Variants in HYAL3 observed in about 807,000 individuals in gnomAD.
The protein encoded by HYAL3 is hyaluronidase-3.
HYAL3 carries 25 observed loss-of-function variants against 29.6 expected under a neutral mutation model. The observed-to-expected ratio is 0.85, with a 90% CI of 0.62 to 1.18. HYAL3 has a LOEUF of 1.18. Among genes scored for constraint, HYAL3 ranks in the 50% most tolerant of loss-of-function variants. HYAL3 has a pLI of 0.00. For missense variants in HYAL3, 442 were observed against 548.4 expected (o/e 0.81, Z 1.94); for synonymous variants, 215 against 218.3 (o/e 0.99, Z 0.13).
At chr3:50,296,871 AC>A (rs1553711282) in intron 1 of HYAL3, 1 of 1,601,018 alleles carries the variant, frequency 6.2e-7, no homozygotes, top group East Asian at 2.2e-5. Context: ...GCTGGTGAAG[AC>A]CAGGCCCTGC....
At position 50,294,973 on chromosome 3, in the gene HYAL3, A is replaced by C. The variant is rs782146458; in HGVS notation, c.630T>G (p.His210Gln). Residue 210 changes from histidine to glutamine, a missense_variant, in exon 2 of 4, where the codon CAT becomes CAG. By Grantham distance (24) the His-to-Gln change is conservative. Coordinates refer to ENST00000336307, the MANE Select transcript of HYAL3 (RefSeq NM_003549.4). Reference protein sequence around the residue: ...YHYPACGNGWHSMASNYTGRC... With the variant: ...YHYPACGNGWQSMASNYTGRC... ...GGCCGGTATAGTTGGAAGCCATACT[A>C]TGCCAGCCATTGCCACAGGCTGGGT... is the stretch of plus-strand genomic sequence containing the variant. 1 of 1,613,028 alleles carries C rather than the reference A, an allele frequency of 6.2e-7. No homozygotes were observed. The highest frequency in any genetic ancestry group is 8.5e-7 in the Non-Finnish European group (1 of 1,179,710).
Position 50,296,683 on chromosome 3 carries a change from G to A in HYAL3, c.-17-1064C>T, listed in dbSNP as rs1701856113. On this transcript the variant is annotated intron_variant, in intron 1 of 3. Coordinates refer to ENST00000336307, the MANE Select transcript of HYAL3 (RefSeq NM_003549.4). Reference sequence around the variant, plus strand: ...GTCTCCAGCAGGCTTTTTGAAGGGGGCCCTGATGGAACTGGGGGTGAGATG... The same window carrying A: ...GTCTCCAGCAGGCTTTTTGAAGGGGACCCTGATGGAACTGGGGGTGAGATG... The A allele has an allele frequency of 3.1e-6, 5 of 1,613,678 alleles. No individual in the cohort carries two copies. Among genetic ancestry groups the A allele is most frequent in the African/African-American group, 1.3e-5 (1 of 74,876 alleles).
intron 1 of HYAL3, 73 bp from the exon 2 acceptor site, chr3:50,295,692 A>G: frequency 7.6e-7 from 1 of 1,322,098 alleles, no homozygotes; most frequent in South Asian, 1.6e-5. Flanking sequence ...AGGGAAAGCC[A>G]GGAAAGCTCC....
Position 50,297,170 on chromosome 3 carries a change from T to C in HYAL3, c.-17-1551A>G. 6.2e-7 allele frequency: 1 copy of C among 1,607,292 alleles called. No homozygotes were observed. The highest frequency in any genetic ancestry group is 8.5e-7 in the Non-Finnish European group (1 of 1,175,880). ...GCATCAGGCAGAGGGGGAAGGCATC[T>C]GAGGACTGGCCCAGGGAGTGCAGGC... On this transcript the variant is annotated intron_variant, in intron 1 of 3. Transcript: ENST00000336307. The surrounding 1 kb of genome is among the most constrained non-coding windows in gnomAD (Gnocchi z 4.3).
rs200704593 is a variant in HYAL3, at chr3:50,297,307, G to A, written c.-17-1688C>T. 3.1e-6 allele frequency: 5 copies of A among 1,604,990 alleles called. No individual in the cohort carries two copies. In the South Asian group the frequency reaches 3.3e-5, roughly 11 times the overall value. ...GTCAACTCAGCCAGGCTAGGAGCTGGGGTCTCCTCTGGCTGGTGTTCAGGA... is the reference window on the plus strand; with the variant it reads ...GTCAACTCAGCCAGGCTAGGAGCTGAGGTCTCCTCTGGCTGGTGTTCAGGA... On this transcript the variant is annotated intron_variant, in intron 1 of 3. Coordinates refer to ENST00000336307, the MANE Select transcript of HYAL3 (RefSeq NM_003549.4). This position sits in a 1 kb window ranked among gnomAD's most constrained non-coding sequence, Gnocchi z 4.3.
At position 50,293,039 on chromosome 3, in the gene HYAL3, A is replaced by T. The variant is rs1431678640; in HGVS notation, c.*207T>A. On this transcript the variant is annotated 3_prime_UTR_variant, in exon 4 of 4. Coordinates refer to ENST00000336307, the MANE Select transcript of HYAL3 (RefSeq NM_003549.4). The stretch of plus-strand genomic sequence containing the variant: ...CTCTCCCTGGAACTGCTTCCTTGCC[A>T]TGGAGGACTCACATGATCTCAGAGG... The T allele has an allele frequency of 6.2e-6, 9 of 1,459,702 alleles. No homozygotes were observed. The South Asian group carries it at 9.2e-5, about 15-fold the overall frequency. The allele number at this position is 1,459,702 out of a possible 1,614,324, so 90.4% of individuals were successfully genotyped here.
chr3:50,295,643 G>C, intron 1 of HYAL3, 24 bp from the exon 2 acceptor site: 1 of 1,507,152 alleles, frequency 6.6e-7, no homozygotes, highest in Non-Finnish European at 8.9e-7. Context: ...GGGGGTGTAA[G>C]CTTAGAGTCC....
rs1296367651 is a variant in HYAL3 at position 50,295,499 on chromosome 3, C to T, written c.104G>A (p.Trp35Ter). The T allele has an allele frequency of 6.2e-7, 1 of 1,611,174 alleles. No individual in the cohort carries two copies. Among genetic ancestry groups the T allele is most frequent in the African/African-American group, 1.3e-5 (1 of 74,312 alleles). ...CTCACAGTGTGCTGAGGGTACATTC[C>T]ACAGCACAGAGAAGGGGCGTTCAGG... ...QVPERPFSVL[W>*]NVPSAHCEAR... Residue 35 changes from tryptophan to a stop codon, truncating the protein, a stop_gained, in exon 2 of 4, where the codon TGG becomes TAG. Coordinates refer to ENST00000336307, the MANE Select transcript of HYAL3 (RefSeq NM_003549.4). LOFTEE classifies it high-confidence loss of function.
chr3:50,296,713 G>C (rs782212075), intron 1 of HYAL3: 1 of 1,613,558 alleles, frequency 6.2e-7, no homozygotes, highest in Admixed American at 1.7e-5. Context: ...GAGATGGTCA[G>C]GCACTCAGGT....
Position 50,292,893 on chromosome 3 carries a change from C to T in HYAL3, c.*353G>A, listed in dbSNP as rs868983902. The stretch of plus-strand genomic sequence containing the variant: ...GACAACAGCTTAGCACTTTACCGAC[C>T]TTCGCCAAGATTTTTTGGGGCCCAT... On this transcript the variant is annotated 3_prime_UTR_variant, in exon 4 of 4. Coordinates refer to ENST00000336307, the MANE Select transcript of HYAL3 (RefSeq NM_003549.4). The T allele has an allele frequency of 6.7e-7, 1 of 1,496,326 alleles. No homozygotes were observed. Among genetic ancestry groups the T allele is most frequent in the South Asian group, 1.1e-5 (1 of 89,358 alleles). The allele number at this position is 1,496,326 out of a possible 1,614,324, so 92.7% of individuals were successfully genotyped here.
intron 1 of HYAL3, 147 bp from the exon 2 acceptor site, chr3:50,295,766 G>T: frequency 5.0e-6 from 3 of 596,120 alleles, no homozygotes; most frequent in African/African-American, 1.9e-5. Flanking sequence ...GGGTCTCTTG[G>T]GCCTTTTAAA....
rs1277395250 is a variant in HYAL3 at position 50,299,267 on chromosome 3, T to C, written c.-72A>G. On this transcript the variant is annotated 5_prime_UTR_variant, in exon 1 of 4. Transcript: ENST00000336307. ...CGTCCTAGCTCCGCACAGCTGGGTA[T>C]CTCACTCAGTCGCCACCTCGGACTC... 6 of 1,613,668 alleles carry C rather than the reference T, an allele frequency of 3.7e-6. No homozygotes were observed. The East Asian group carries it at 1.3e-4, about 36-fold the overall frequency.
rs587765914 is a variant in HYAL3 at position 50,299,357 on chromosome 3, C to T, written c.-162G>A. ...GTTCTGCAGCCGTCGCGTCCTGCGGCACGCCACGGCGTTCTAAGGCCTCCC... is the reference window on the plus strand; with the variant it reads ...GTTCTGCAGCCGTCGCGTCCTGCGGTACGCCACGGCGTTCTAAGGCCTCCC... On this transcript the variant is annotated 5_prime_UTR_variant, in exon 1 of 4. Transcript: ENST00000336307. The T allele has an allele frequency of 2.6e-6, 4 of 1,546,696 alleles. No homozygotes were observed. The East Asian group carries it at 9.6e-5, about 37-fold the overall frequency.
chr3:50,295,842 C>A, intron 1 of HYAL3: 1 of 546,326 alleles, frequency 1.8e-6, no homozygotes, highest in Non-Finnish European at 3.2e-6. Flanking sequence ...CCAAAGCGGG[C>A]TTTACAGTGA....
chr3:50,299,329 G>T lies in HYAL3; in HGVS notation c.-134C>A. 1 of 1,595,814 alleles carries T rather than the reference G, an allele frequency of 6.3e-7. No individual in the cohort carries two copies. Among genetic ancestry groups the T allele is most frequent in the Non-Finnish European group, 8.5e-7 (1 of 1,173,314 alleles). ...AACGTTGGCCCCCAGCGGTGCGGCG[G>T]ATGTTCTGCAGCCGTCGCGTCCTGC... On this transcript the variant is annotated 5_prime_UTR_variant, in exon 1 of 4. Transcript: ENST00000336307.
intron 1 of HYAL3, 79 bp from the exon 2 acceptor site, chr3:50,295,698 G>A (rs1011016729): frequency 8.4e-7 from 1 of 1,185,714 alleles, no homozygotes; most frequent in Middle Eastern, 3.0e-4. Flanking sequence ...AGCCAGGAAA[G>A]CTCCCCCAGC....
chr3:50,298,640 G>A (rs1448024731), intron 1 of HYAL3, among the ~76,000 whole-genome samples: 1 of 152,118 alleles, frequency 6.6e-6, no homozygotes, highest in Non-Finnish European at 1.5e-5. Context: ...GCAGGTCTAT[G>A]CTGGGGGTTT....
At chr3:50,294,283 G>A (rs1369941044) in intron 2 of HYAL3, among the ~76,000 whole-genome samples, 2 of 152,170 alleles carry the variant, frequency 1.3e-5, no homozygotes, top group African/African-American at 4.8e-5. Context: ...CTGGGCAACA[G>A]AGCAAGACTC....
At chr3:50,298,590 C>T (rs587623129) in intron 1 of HYAL3, among the ~76,000 whole-genome samples, 2 of 151,864 alleles carry the variant, frequency 1.3e-5, no homozygotes, top group African/African-American at 4.8e-5. Flanking sequence ...TGTGCCCAAA[C>T]CCTACTGTTT....
Sources: gnomAD v4.1 joint callset for allele counts (sites outside exome capture counted in the v4.1 genomes callset) on GRCh38, gnomAD v4.1.1 for gene constraint, Gnocchi (gnomAD v3.1) non-coding constraint, MANE v1.5 for transcripts, NCBI Gene and HGNC (gene_info 2026-07-23, HGNC 2026-07-21) for gene names.